MAGI1: variants seen among roughly 807,000 people sequenced by gnomAD.
The protein encoded by MAGI1 is membrane-associated guanylate kinase, WW and PDZ domain-containing protein 1.
Under a neutral mutation model 139.9 loss-of-function variants are expected in MAGI1, and 58 were observed. The observed-to-expected ratio is 0.41, with a 90% CI of 0.34 to 0.52. The LOEUF (loss-of-function observed/expected upper bound fraction) is 0.52, where lower values mean the gene tolerates loss of function less well. MAGI1 is among the 20% of genes least tolerant of loss of function. MAGI1 has a pLI of 0.12. For synonymous variants in MAGI1, 812 were observed against 737.9 expected, an observed-to-expected ratio of 1.10 and a Z score of -1.63; for missense variants, 1,874 against 1,901.6, an observed-to-expected ratio of 0.99 and a Z score of 0.27.
At chr3:65,777,727 T>C (rs2038581939) in intron 1 of MAGI1, among the ~76,000 whole-genome samples, 1 of 150,846 alleles carries the variant, frequency 6.6e-6, no homozygotes, top group Non-Finnish European at 1.5e-5. Context: ...AGAAAACAAA[T>C]GTATATAGCT....
Position 65,356,840 on chromosome 3 carries a change from G to T in MAGI1, c.3927C>A (p.Ala1309=), listed in dbSNP as rs748431740. 6.2e-7 allele frequency: 1 copy of T among 1,612,808 alleles called. No individual in the cohort carries two copies. Among genetic ancestry groups the T allele is most frequent in the African/African-American group, 1.3e-5 (1 of 74,876 alleles). Residue 1309 remains alanine, a synonymous_variant, in exon 23 of 23, where the codon GCC becomes GCA. Transcript: ENST00000402939. ...RAPEGRRDAQ[A]ERAAAANGPK... ...GGCCGTTGGCGGCTGCCGCGCGCTC[G>T]GCCTGCGCGTCCCTCCGTCCCTCCG...
intron 1 of MAGI1, among the ~76,000 whole-genome samples, chr3:65,806,236 C>G (rs1356431560): frequency 6.6e-6 from 1 of 152,066 alleles, no homozygotes; most frequent in Non-Finnish European, 1.5e-5. Context: ...CAAGACCATC[C>G]TGGCCAACAT....
chr3:65,858,456 C>G (rs2059439888), intron 1 of MAGI1, among the ~76,000 whole-genome samples: 1 of 152,190 alleles, frequency 6.6e-6, no homozygotes, highest in Admixed American at 6.5e-5. Flanking sequence ...ATCTGTGACT[C>G]TGATTGGCTG....
intron 1 of MAGI1, among the ~76,000 whole-genome samples, chr3:65,810,453 C>T (rs962123331): frequency 1.3e-5 from 2 of 152,212 alleles, no homozygotes; most frequent in African/African-American, 4.8e-5. Context: ...TGAGTAATTC[C>T]ATTACAGTGT....
At chr3:65,472,810 T>A (rs1950634663) in intron 4 of MAGI1, among the ~76,000 whole-genome samples, 1 of 152,216 alleles carries the variant, frequency 6.6e-6, no homozygotes, top group Non-Finnish European at 1.5e-5. Flanking sequence ...AACTTCTGAT[T>A]TTTCAAGACA....
chr3:65,689,291 A>G (rs919813516), intron 1 of MAGI1, among the ~76,000 whole-genome samples: 1 of 152,192 alleles, frequency 6.6e-6, no homozygotes, highest in Non-Finnish European at 1.5e-5. Context: ...AATAAAGACA[A>G]GATTGGATTT....
chr3:65,768,489 G>C (rs1251649386), intron 1 of MAGI1, among the ~76,000 whole-genome samples: 1 of 152,036 alleles, frequency 6.6e-6, no homozygotes, highest in Non-Finnish European at 1.5e-5. Flanking sequence ...TAAAGCAAAG[G>C]TTGCTTGTCT....
intron 2 of MAGI1, among the ~76,000 whole-genome samples, chr3:65,607,275 C>A (rs2082793164): frequency 6.6e-6 from 1 of 151,606 alleles, no homozygotes; most frequent in South Asian, 2.1e-4. Flanking sequence ...ATTCTTTTCT[C>A]CTGACTTTCC....
intron 2 of MAGI1, among the ~76,000 whole-genome samples, chr3:65,525,883 A>C (rs2078356380): frequency 6.6e-6 from 1 of 152,162 alleles, no homozygotes; most frequent in Non-Finnish European, 1.5e-5. Context: ...AGCGTGCCCC[A>C]TATAAGGGAG....
At chr3:65,725,854 G>C (rs1349943498) in intron 1 of MAGI1, among the ~76,000 whole-genome samples, 1 of 152,030 alleles carries the variant, frequency 6.6e-6, no homozygotes, top group Non-Finnish European at 1.5e-5. Context: ...CGTTAGAAAA[G>C]TCTATGCATA....
intron 1 of MAGI1, among the ~76,000 whole-genome samples, chr3:65,933,684 T>A (rs1207846496): frequency 6.6e-6 from 1 of 152,164 alleles, no homozygotes; most frequent in Non-Finnish European, 1.5e-5. Flanking sequence ...TACAATTGGC[T>A]AGATTAGGAT....
At chr3:65,874,169 C>T (rs373925266) in intron 1 of MAGI1, 1 of 152,278 alleles carries the variant, frequency 6.6e-6, no homozygotes, top group African/African-American at 2.4e-5. Context: ...ACCTGTAGTC[C>T]AAACTACTCA....
At chr3:65,829,159 G>A (rs961884824) in intron 1 of MAGI1, among the ~76,000 whole-genome samples, 1 of 152,170 alleles carries the variant, frequency 6.6e-6, no homozygotes, top group African/African-American at 2.4e-5. Context: ...AAATTGTGTT[G>A]TTTTAGCCAT....
intron 1 of MAGI1, among the ~76,000 whole-genome samples, chr3:65,777,815 A>T (rs1174713068): frequency 1.3e-5 from 2 of 152,210 alleles, no homozygotes; most frequent in East Asian, 3.8e-4. Context: ...AAATGGAATT[A>T]TCATAGTTCC....
rs778609250 is a variant in MAGI1, at chr3:65,381,947, G to T, written c.2631C>A (p.Val877=). 4.1e-5 allele frequency: 66 copies of T among 1,614,008 alleles called. No individual in the cohort carries two copies. Among genetic ancestry groups the T allele is most frequent in the Non-Finnish European group, 5.1e-5 (60 of 1,180,032 alleles). ...GCTTGGCAGCTTGTTGCATAAGCTGGACCACAAGCTGGTGTGATTTTCCAA... is the reference window on the plus strand; with the variant it reads ...GCTTGGCAGCTTGTTGCATAAGCTGTACCACAAGCTGGTGTGATTTTCCAA... The part of the protein sequence containing the change: ...PVIGKSHQLV[V]QLMQQAAKQG... Residue 877 remains valine (V), a synonymous_variant, in exon 16 of 23, where the codon GTC becomes GTA. Transcript: ENST00000402939.
intron 1 of MAGI1, among the ~76,000 whole-genome samples, chr3:65,724,675 G>C (rs892532387): frequency 2.0e-5 from 3 of 152,190 alleles, no homozygotes; most frequent in Non-Finnish European, 4.4e-5. Context: ...ATTTACAAAG[G>C]AAAGAGGTTT....
intron 18 of MAGI1, among the ~76,000 whole-genome samples, chr3:65,373,306 G>A (rs1029991538): frequency 6.6e-6 from 1 of 152,156 alleles, no homozygotes; most frequent in Non-Finnish European, 1.5e-5. Context: ...CCAGTCAGTG[G>A]AGCAGTCAGA....
At chr3:65,479,595 C>T (rs1168868677) in intron 3 of MAGI1, among the ~76,000 whole-genome samples, 3 of 151,736 alleles carry the variant, frequency 2.0e-5, no homozygotes, top group African/African-American at 7.3e-5. Flanking sequence ...AGTTATGATA[C>T]CAATATAAAG....
At chr3:65,401,344 T>C (rs1286626222) in intron 13 of MAGI1, 95 bp downstream of exon 13, 2 of 1,455,054 alleles carry the variant, frequency 1.4e-6, no homozygotes, top group Non-Finnish European at 1.9e-6. Flanking sequence ...AAAACACATT[T>C]AGTGAAGTGA....
Sources: allele counts gnomAD v4.1 joint callset (sites outside exome capture counted in the v4.1 genomes callset), GRCh38; gene constraint gnomAD v4.1.1; transcripts MANE v1.5; gene names NCBI Gene and HGNC (gene_info 2026-07-23, HGNC 2026-07-21).